Variants in NT5C2 observed in about 807,000 individuals in gnomAD.
The protein encoded by NT5C2 is cytosolic purine 5'-nucleotidase.
Under a neutral mutation model 76.1 loss-of-function variants are expected in NT5C2, and 58 were observed. The ratio of observed to expected loss-of-function variants is 0.76; its 90% CI spans 0.62 to 0.95. NT5C2 has a LOEUF of 0.95. NT5C2 is among the 40% of genes least tolerant of loss of function. The pLI is 0.00. For missense variants in NT5C2, 478 were observed against 690.3 expected, an observed-to-expected ratio of 0.69 and a Z score of 3.45; for synonymous variants, 229 against 237.4, an observed-to-expected ratio of 0.96 and a Z score of 0.32.
At chr10:103,159,416 T>C (rs1253343079) in intron 3 of NT5C2, among the ~76,000 whole-genome samples, 1 of 151,998 alleles carries the variant, frequency 6.6e-6, no homozygotes, top group East Asian at 1.9e-4. Context: ...AACAATTATA[T>C]TTACTATAGC....
At chr10:103,192,637 G>A (rs1475625568) in intron 1 of NT5C2, among the ~76,000 whole-genome samples, 1 of 152,178 alleles carries the variant, frequency 6.6e-6, no homozygotes, top group African/African-American at 2.4e-5. Flanking sequence ...TGTTGCACAC[G>A]GGCGTGTGGC....
intron 1 of NT5C2, among the ~76,000 whole-genome samples, chr10:103,192,932 C>G (rs372428277): frequency 6.6e-6 from 1 of 152,098 alleles, no homozygotes; most frequent in Non-Finnish European, 1.5e-5. Flanking sequence ...CCCAGCGAGC[C>G]GGCGGCTGGG....
At chr10:103,155,258 A>G (rs1051845512) in intron 3 of NT5C2, among the ~76,000 whole-genome samples, 1 of 152,240 alleles carries the variant, frequency 6.6e-6, no homozygotes, top group Non-Finnish European at 1.5e-5. Flanking sequence ...AGGGACATAT[A>G]GATCCTCTTG....
rs566511814 is a variant in NT5C2, at chr10:103,134,089, C to T, written c.175+5317G>A. ...TAAGGGAAGCAGAGCATAAAAGTTC[C>T]GAAAATTTGCAGCCTCACAATGCAA... On this transcript the variant is annotated intron_variant, in intron 4 of 18. Coordinates refer to ENST00000404739, the MANE Select transcript of NT5C2 (RefSeq NM_001351169.2). 4.6e-5 allele frequency among the ~76,000 whole-genome samples: 7 copies of T among 152,138 alleles called. No individual in the cohort carries two copies. In the South Asian group the frequency reaches 1.2e-3, roughly 27 times the overall value.
intron 4 of NT5C2, among the ~76,000 whole-genome samples, chr10:103,112,266 C>G (rs1438628965): frequency 6.6e-6 from 1 of 152,090 alleles, no homozygotes; most frequent in African/African-American, 2.4e-5. Flanking sequence ...ATCTTGCTTC[C>G]AAGTACCCAT....
At chr10:103,172,366 A>AG (rs1218180270) in intron 3 of NT5C2, among the ~76,000 whole-genome samples, 3 of 148,292 alleles carry the variant, frequency 2.0e-5, no homozygotes, top group African/African-American at 7.5e-5. Flanking sequence ...CTCCTGCCTC[A>AG]GCCTCCCGAG....
At chr10:103,105,580 T>G (rs1311711652) in intron 6 of NT5C2, 126 bp downstream of exon 6, 6 of 660,636 alleles carry the variant, frequency 9.1e-6, no homozygotes, top group Non-Finnish European at 1.5e-5. Context: ...ACTAACCTTA[T>G]GTAAGGGAAT....
intron 14 of NT5C2, chr10:103,093,611 G>T (rs1275007361): frequency 1.1e-5 from 4 of 356,082 alleles, no homozygotes; most frequent in Admixed American, 8.7e-5. Context: ...CATTAAGCTG[G>T]CTTTACTCAA....
chr10:103,156,233 T>C (rs1054883974), intron 3 of NT5C2, among the ~76,000 whole-genome samples: 1 of 152,150 alleles, frequency 6.6e-6, no homozygotes, highest in Admixed American at 6.5e-5. Context: ...TGCTGTAATC[T>C]AGGACAGCGA....
At position 103,164,100 on chromosome 10, in the gene NT5C2, C is replaced by T. The variant is rs573449557; in HGVS notation, c.101+10758G>A. Among the ~76,000 whole-genome samples, 138 of 152,108 alleles carry T rather than the reference C, an allele frequency of 9.1e-4. 1 individual carries two copies. Among genetic ancestry groups the T allele is most frequent in the African/African-American group, 3.2e-3 (134 of 41,490 alleles). On this transcript the variant is annotated intron_variant, in intron 3 of 18. Coordinates refer to ENST00000404739, the MANE Select transcript of NT5C2 (RefSeq NM_001351169.2). ...CGAAAAATAAAAAATAAAAAAATAG[C>T]TAGGTGTGGTGGTGTGCTCCTGTAT... is the stretch of plus-strand genomic sequence containing the variant.
chr10:103,188,210 T>C (rs912556564), intron 1 of NT5C2, among the ~76,000 whole-genome samples: 12 of 151,814 alleles, frequency 7.9e-5, no homozygotes, highest in African/African-American at 2.4e-4. Context: ...ACAAAAAAAT[T>C]AGCCAGGCAT....
At chr10:103,097,201 T>TTA (rs2068417503) in intron 11 of NT5C2, 90 bp downstream of exon 11, 2 of 985,086 alleles carry the variant, frequency 2.0e-6, no homozygotes, top group Non-Finnish European at 3.0e-6. Context: ...TATTTTCACT[T>TTA]AATAAACTTC....
intron 2 of NT5C2, among the ~76,000 whole-genome samples, chr10:103,178,603 A>G (rs913229804): frequency 5.3e-5 from 8 of 151,970 alleles, no homozygotes; most frequent in Non-Finnish European, 1.0e-4. Flanking sequence ...GAGGCTAAGG[A>G]GGGTGGATCA....
intron 6 of NT5C2, among the ~76,000 whole-genome samples, chr10:103,104,578 G>A (rs1440544362): frequency 6.6e-6 from 1 of 152,176 alleles, no homozygotes; most frequent in Non-Finnish European, 1.5e-5. Context: ...AAGAAACAGT[G>A]AAAGAAATGT....
rs2080040789 is a variant in NT5C2, at chr10:103,139,777, T to C, written c.102-298A>G. Among the ~76,000 whole-genome samples the C allele has an allele frequency of 5.3e-5, 8 of 152,314 alleles. No individual in the cohort carries two copies. In the South Asian group the frequency reaches 1.7e-3, roughly 32 times the overall value. On this transcript the variant is annotated intron_variant, in intron 3 of 18. Coordinates refer to ENST00000404739, the MANE Select transcript of NT5C2 (RefSeq NM_001351169.2). ...TGTGGTACAAGTACTTAAAATCTATTGTCTTGGCAAATTAACAGTACATAA... is the reference window on the plus strand; with the variant it reads ...TGTGGTACAAGTACTTAAAATCTATCGTCTTGGCAAATTAACAGTACATAA...
chr10:103,093,272 C>T lies in NT5C2; in HGVS notation c.1026G>A (p.Lys342=). 1 of 1,608,296 alleles carries T rather than the reference C, an allele frequency of 6.2e-7. No individual in the cohort carries two copies. The highest frequency in any genetic ancestry group is 8.5e-7 in the Non-Finnish European group (1 of 1,177,422). ...CTCCAATATACAAAATGTCTTTTCC[C>T]TTGGCTCCCAACAGGTCACAGATCG... ...SDTICDLLGA[K]GKDILYIGDH... is the part of the protein sequence containing the mutation. Residue 342 remains lysine (K), a synonymous_variant, in exon 15 of 19, where the codon AAG becomes AAA. Coordinates refer to ENST00000404739, the MANE Select transcript of NT5C2 (RefSeq NM_001351169.2).
intron 4 of NT5C2, among the ~76,000 whole-genome samples, chr10:103,129,562 C>A (rs1480645352): frequency 1.0e-5 from 1 of 99,496 alleles, no homozygotes; most frequent in Non-Finnish European, 2.1e-5. Flanking sequence ...CCGCCCCGTC[C>A]GGGAGGGAGG....
At chr10:103,174,811 C>T (rs376062456) in intron 3 of NT5C2, 47 bp downstream of exon 3, 36 of 1,202,472 alleles carry the variant, frequency 3.0e-5, no homozygotes, top group Non-Finnish European at 4.5e-5. Context: ...AAAATGAAGT[C>T]CCACTTCATA....
intron 3 of NT5C2, among the ~76,000 whole-genome samples, chr10:103,143,002 AAG>A (rs1439783720): frequency 3.3e-5 from 5 of 151,684 alleles, no homozygotes; most frequent in Non-Finnish European, 5.9e-5. Context: ...AAAAAAAAAA[AAG>A]AAGAATAGAA....
Sources: gnomAD v4.1 joint callset for allele counts (sites outside exome capture counted in the v4.1 genomes callset) on GRCh38, gnomAD v4.1.1 for gene constraint, MANE v1.5 for transcripts, NCBI Gene and HGNC (gene_info 2026-07-23, HGNC 2026-07-21) for gene names.